Variants in EFR3B observed in about 807,000 individuals in gnomAD.
EFR3B encodes protein EFR3 homolog B.
A neutral mutation model predicts 104.7 loss-of-function variants in EFR3B; 64 were observed. That is an observed-to-expected ratio of 0.61 (90% CI 0.50 to 0.75). The LOEUF (loss-of-function observed/expected upper bound fraction) is 0.75, where lower values mean the gene tolerates loss of function less well. EFR3B is among the 30% of genes least tolerant of loss of function. EFR3B has a pLI of 0.00. For synonymous variants in EFR3B, 385 were observed against 417.9 expected, an observed-to-expected ratio of 0.92 and a Z score of 0.96; for missense variants, 750 against 1,078.5, an observed-to-expected ratio of 0.70 and a Z score of 4.27.
Position 25,130,455 on chromosome 2 carries a change from G to A in EFR3B, c.771-97G>A. On this transcript the variant is annotated intron_variant, in intron 7 of 22. Transcript: ENST00000403714. The surrounding 1 kb of genome is among the most constrained non-coding windows in gnomAD (Gnocchi z 4.6). The stretch of plus-strand genomic sequence containing the variant: ...TTCCTCACCCGGGAACTGTGCGAGG[G>A]GCTCTGAGAAGGTGTCCCTCTGCCT... 1 of 1,094,512 alleles carries A rather than the reference G, an allele frequency of 9.1e-7. No homozygotes were observed. The highest frequency in any genetic ancestry group is 1.4e-6 in the Non-Finnish European group (1 of 730,492). 67.8% of individuals were successfully genotyped at this position (1,094,512 alleles called of 1,614,324 possible).
intron 1 of EFR3B, among the ~76,000 whole-genome samples, chr2:25,077,034 A>C (rs1266484003): frequency 6.6e-6 from 1 of 152,188 alleles, no homozygotes; most frequent in Non-Finnish European, 1.5e-5. Flanking sequence ...TCAATCCTGA[A>C]TCTTTCCCAG....
chr2:25,053,007 C>T (rs181508201), intron 1 of EFR3B, among the ~76,000 whole-genome samples: 1 of 152,330 alleles, frequency 6.6e-6, no homozygotes, highest in East Asian at 1.9e-4. Flanking sequence ...ATTTGAACCT[C>T]AGCATTCCAG....
chr2:25,143,942 T>C (rs1670748030), intron 18 of EFR3B, 80 bp downstream of exon 18: 4 of 1,475,888 alleles, frequency 2.7e-6, no homozygotes, highest in African/African-American at 1.4e-5. Flanking sequence ...AAGGGACTTA[T>C]AGCCCTTTGA....
chr2:25,153,581 C>A, intron 21 of EFR3B, 131 bp from the exon 22 acceptor site: 1 of 863,758 alleles, frequency 1.2e-6, no homozygotes, highest in South Asian at 1.5e-5. Flanking sequence ...GGAGCGTGTT[C>A]ACCTCTGCCT....
intron 3 of EFR3B, among the ~76,000 whole-genome samples, chr2:25,096,958 A>G (rs913049129): frequency 6.6e-6 from 1 of 152,214 alleles, no homozygotes; most frequent in African/African-American, 2.4e-5. Context: ...GAGCAAATCT[A>G]CTGTGCATGC....
At position 25,094,972 on chromosome 2, in the gene EFR3B, G is replaced by A. The variant is rs192504445; in HGVS notation, c.212+1842G>A. Among the ~76,000 whole-genome samples, 118 of 151,916 alleles carry A rather than the reference G, an allele frequency of 7.8e-4. 2 individuals are homozygous for A. In the East Asian group the frequency reaches 0.022, roughly 28 times the overall value. ...GCCTGGCTTATTTTTTGTATTTTTT[G>A]TAGAAATGGAGTTTCACCATGTTGC... On this transcript the variant is annotated intron_variant, in intron 3 of 22. Coordinates refer to ENST00000403714, the MANE Select transcript of EFR3B (RefSeq NM_014971.2).
At chr2:25,142,053 G>A (rs926339856) in intron 17 of EFR3B, among the ~76,000 whole-genome samples, 10 of 152,112 alleles carry the variant, frequency 6.6e-5, no homozygotes, top group Non-Finnish European at 1.5e-4. Flanking sequence ...CAGGCCCAGC[G>A]ACTCAGAAGA....
intron 4 of EFR3B, among the ~76,000 whole-genome samples, chr2:25,105,878 A>G (rs547765414): frequency 2.6e-5 from 4 of 152,224 alleles, no homozygotes; most frequent in Non-Finnish European, 5.9e-5. Flanking sequence ...CAGATTCCCC[A>G]TCGCAGTGAA....
intron 1 of EFR3B, among the ~76,000 whole-genome samples, chr2:25,071,734 G>A (rs1250914721): frequency 1.3e-5 from 2 of 152,146 alleles, no homozygotes; most frequent in African/African-American, 4.8e-5. Flanking sequence ...AAATTATTTT[G>A]TTGTCTTCCA....
intron 1 of EFR3B, among the ~76,000 whole-genome samples, chr2:25,049,233 T>C (rs1230189340): frequency 6.6e-6 from 1 of 152,244 alleles, no homozygotes; most frequent in East Asian, 1.9e-4. Context: ...TTAACTTACA[T>C]TCTTTATTAT....
rs1330633672 is a variant in EFR3B, at chr2:25,128,219, G to A, written c.522G>A (p.Val174=). 4 of 1,551,648 alleles carry A rather than the reference G, an allele frequency of 2.6e-6. No homozygotes were observed. The African/African-American group carries it at 5.5e-5, about 21-fold the overall frequency. The change falls in exon 6 of 23, where the codon GTG becomes GTA. Residue 174 remains valine (V), a synonymous_variant. Coordinates refer to ENST00000403714, the MANE Select transcript of EFR3B (RefSeq NM_014971.2). ...RMSGIKGLQG[V]VRKTVNDELQ... is the part of the protein sequence containing the mutation. ...CAGGCATCAAAGGCCTGCAAGGGGT[G>A]GTGAGGAAGACGGTGAATGATGAAC...
At chr2:25,096,871 G>A (rs1408231383) in intron 3 of EFR3B, among the ~76,000 whole-genome samples, 1 of 151,982 alleles carries the variant, frequency 6.6e-6, no homozygotes, top group Non-Finnish European at 1.5e-5. Flanking sequence ...ACCCACCCCT[G>A]GTGTAAAAAG....
intron 4 of EFR3B, among the ~76,000 whole-genome samples, chr2:25,115,829 C>T (rs1669843645): frequency 6.6e-6 from 1 of 152,220 alleles, no homozygotes. Flanking sequence ...ATATTTACTG[C>T]TGTTATTACT....
chr2:25,151,966 G>A lies in EFR3B; in HGVS notation c.2244G>A (p.Val748=), dbSNP rs1054829198. 1 of 1,551,734 alleles carries A rather than the reference G, an allele frequency of 6.4e-7. No homozygotes were observed. The highest frequency in any genetic ancestry group is 8.7e-7 in the Non-Finnish European group (1 of 1,146,998). ...AGCGTGAGCGGCGGCGGCAGGTGGT[G>A]GAGAAGTTCCAGAAGGCACCCTTCG... is the stretch of plus-strand genomic sequence containing the variant. The part of the protein sequence containing the change: ...EQERERRRQV[V]EKFQKAPFEE... The change falls in exon 21 of 23, where the codon GTG becomes GTA. Residue 748 remains valine (V), a synonymous_variant. Coordinates refer to ENST00000403714, the MANE Select transcript of EFR3B (RefSeq NM_014971.2).
At chr2:25,079,617 C>G (rs1429572270) in intron 1 of EFR3B, among the ~76,000 whole-genome samples, 1 of 152,046 alleles carries the variant, frequency 6.6e-6, no homozygotes, top group Non-Finnish European at 1.5e-5. Context: ...CAATGAAGAA[C>G]TTTGTATCCA....
At chr2:25,065,424 CA>C (rs1165028276) in intron 1 of EFR3B, among the ~76,000 whole-genome samples, 2 of 147,448 alleles carry the variant, frequency 1.4e-5, no homozygotes, top group Non-Finnish European at 3.0e-5. Context: ...CTCCTGTGCT[CA>C]AGCGATCCTC....
At chr2:25,043,200 G>A (rs1406100299) in intron 1 of EFR3B, among the ~76,000 whole-genome samples, 1 of 152,092 alleles carries the variant, frequency 6.6e-6, no homozygotes, top group African/African-American at 2.4e-5. Context: ...GTGTGATCCC[G>A]GTAGACATAA....
intron 4 of EFR3B, among the ~76,000 whole-genome samples, chr2:25,120,984 C>T (rs908697743): frequency 2.0e-5 from 3 of 151,498 alleles, no homozygotes; most frequent in Admixed American, 2.0e-4. Context: ...TCACTACAAC[C>T]TCCACCTCCC....
At chr2:25,072,163 TCTCC>T (rs1332102348) in intron 1 of EFR3B, among the ~76,000 whole-genome samples, 1 of 152,228 alleles carries the variant, frequency 6.6e-6, no homozygotes, top group African/African-American at 2.4e-5. Flanking sequence ...GCTCTCAGCT[TCTCC>T]CTCTGCGTGT....
Sources: gnomAD v4.1 joint callset for allele counts (sites outside exome capture counted in the v4.1 genomes callset) on GRCh38, gnomAD v4.1.1 for gene constraint, Gnocchi (gnomAD v3.1) non-coding constraint, MANE v1.5 for transcripts, NCBI Gene and HGNC (gene_info 2026-07-23, HGNC 2026-07-21) for gene names.